CIB4: variants seen among roughly 807,000 people sequenced by gnomAD.
CIB4 encodes calcium and integrin binding family member 4.
A neutral mutation model predicts 25.8 loss-of-function variants in CIB4; 25 were observed. The ratio of observed to expected loss-of-function variants is 0.97; its 90% CI spans 0.71 to 1.35. CIB4 has a LOEUF of 1.35. Among genes scored for constraint, CIB4 ranks in the 40% most tolerant of loss-of-function variants. The probability of loss-of-function intolerance (pLI) is 0.00; values close to 1 mark genes in which losing one functional copy is unlikely to be tolerated. For synonymous variants in CIB4, 75 were observed against 81.4 expected (o/e 0.92, Z 0.42); for missense variants, 235 against 228.2 (o/e 1.03, Z -0.19).
chr2:26,583,826 T>G lies in CIB4; in HGVS notation c.401A>C (p.Asp134Ala). The G allele has an allele frequency of 6.2e-7, 1 of 1,612,932 alleles. No individual in the cohort carries two copies. The highest frequency in any genetic ancestry group is 8.5e-7 in the Non-Finnish European group (1 of 1,179,438). The change falls in exon 5 of 7, where the codon GAC (aspartate) becomes GCC (alanine). Residue 134 changes from aspartate to alanine, a missense_variant. Asp to Ala is a moderately radical substitution (Grantham distance 126). Transcript: ENST00000288861. ...RIILRLLNSD[D>A]MSEDLLMDLT... ...GTCCATCAGGAGGTCCTCAGACATG[T>G]CATCACTGTTCAGCAGTCGCAGGAT...
At chr2:26,599,385 A>G (rs1239314688) in intron 3 of CIB4, among the ~76,000 whole-genome samples, 1 of 152,236 alleles carries the variant, frequency 6.6e-6, no homozygotes, top group South Asian at 2.1e-4. Context: ...CAAAAAAACT[A>G]AAAGTTTTCT....
intron 4 of CIB4, among the ~76,000 whole-genome samples, chr2:26,593,431 C>T (rs537479759): frequency 6.6e-6 from 1 of 151,778 alleles, no homozygotes; most frequent in South Asian, 2.1e-4. Context: ...CATATATATA[C>T]ACACTATATA....
intron 4 of CIB4, 23 bp downstream of exon 4, chr2:26,595,153 C>T (rs1148963): frequency 0.83 from 1,316,252 of 1,593,850 alleles, 553,587 homozygotes; most frequent in East Asian, 0.98. Context: ...ACCCCTCACC[C>T]CTCAGTCCCC....
At chr2:26,619,603 A>G (rs1231042286) in intron 3 of CIB4, among the ~76,000 whole-genome samples, 1 of 152,200 alleles carries the variant, frequency 6.6e-6, no homozygotes, top group Non-Finnish European at 1.5e-5. Flanking sequence ...ATGACCCACA[A>G]AAACATAGAG....
chr2:26,604,420 A>G (rs552098339), intron 3 of CIB4, among the ~76,000 whole-genome samples: 2 of 152,264 alleles, frequency 1.3e-5, no homozygotes, highest in African/African-American at 4.8e-5. Context: ...CTTTCTCCAG[A>G]GGCAGGAAAC....
chr2:26,635,538 T>C (rs925366159), intron 2 of CIB4, among the ~76,000 whole-genome samples: 4 of 152,240 alleles, frequency 2.6e-5, no homozygotes, highest in Non-Finnish European at 4.4e-5. Flanking sequence ...CAAGGCATTG[T>C]CAGAGGCCAC....
chr2:26,616,267 G>T (rs906496644), intron 3 of CIB4, among the ~76,000 whole-genome samples: 1 of 152,222 alleles, frequency 6.6e-6, no homozygotes, highest in Non-Finnish European at 1.5e-5. Flanking sequence ...TCAGCCGAAT[G>T]CAGCATGGTG....
chr2:26,595,935 T>C lies in CIB4; in HGVS notation c.187-618A>G, dbSNP rs184608115. On this transcript the variant is annotated intron_variant, in intron 3 of 6. Coordinates refer to ENST00000288861, the MANE Select transcript of CIB4 (RefSeq NM_001029881.3). ...CACACACACACACACACACAAACCA[T>C]GTCTTATAGAGACTGAAAACAGGAC... Among the ~76,000 whole-genome samples, 191 of 151,106 alleles carry C rather than the reference T, an allele frequency of 1.3e-3. 1 individual carries two copies. Among genetic ancestry groups the C allele is most frequent in the African/African-American group, 4.5e-3 (184 of 40,496 alleles).
At chr2:26,617,765 C>A (rs1340374320) in intron 3 of CIB4, among the ~76,000 whole-genome samples, 1 of 152,216 alleles carries the variant, frequency 6.6e-6, no homozygotes, top group African/African-American at 2.4e-5. Flanking sequence ...TGCTTTCCTC[C>A]TGCTCAATCC....
chr2:26,595,031 A>C, intron 4 of CIB4, 145 bp downstream of exon 4: 2 of 701,540 alleles, frequency 2.9e-6, no homozygotes, highest in Non-Finnish European at 4.7e-6. Context: ...ATTCCATGGT[A>C]CATGCAAAAT....
At chr2:26,625,900 T>G (rs1335902654) in intron 3 of CIB4, among the ~76,000 whole-genome samples, 1 of 152,252 alleles carries the variant, frequency 6.6e-6, no homozygotes, top group Non-Finnish European at 1.5e-5. Flanking sequence ...CTATCTTGAG[T>G]TAATTTTTGT....
intron 1 of CIB4, 137 bp from the exon 2 acceptor site, chr2:26,640,704 T>C: frequency 1.1e-6 from 1 of 870,844 alleles, no homozygotes; most frequent in Non-Finnish European, 1.8e-6. Flanking sequence ...CAGGTTGAGG[T>C]GGATGCCTGA....
intron 2 of CIB4, among the ~76,000 whole-genome samples, chr2:26,630,580 G>C (rs1558574020): frequency 6.6e-6 from 1 of 152,126 alleles, no homozygotes; most frequent in South Asian, 2.1e-4. Flanking sequence ...GTCACCACAG[G>C]CTGGTTGAAA....
chr2:26,616,290 G>A (rs2148214181), intron 3 of CIB4, among the ~76,000 whole-genome samples: 1 of 152,356 alleles, frequency 6.6e-6, no homozygotes, highest in South Asian at 2.1e-4. Context: ...CGTGCCTGCA[G>A]CCCTGGGTGA....
intron 4 of CIB4, among the ~76,000 whole-genome samples, chr2:26,589,848 T>A (rs1238223826): frequency 6.6e-6 from 1 of 152,200 alleles, no homozygotes; most frequent in African/African-American, 2.4e-5. Flanking sequence ...TGGACTTAGC[T>A]GCACTTTGGA....
intron 6 of CIB4, 83 bp from the exon 7 acceptor site, chr2:26,581,476 G>A: frequency 2.9e-6 from 4 of 1,380,528 alleles, no homozygotes; most frequent in African/African-American, 1.4e-5. Context: ...AGTCCTGGAG[G>A]CTCCCTCCCC....
intron 3 of CIB4, among the ~76,000 whole-genome samples, chr2:26,595,569 G>A (rs1350720817): frequency 1.3e-5 from 2 of 152,334 alleles, no homozygotes; most frequent in Middle Eastern, 3.4e-3. Context: ...GAAGATAATG[G>A]TTATAATGCA....
chr2:26,639,196 T>C (rs1669589348), intron 2 of CIB4, among the ~76,000 whole-genome samples: 1 of 143,184 alleles, frequency 7.0e-6, no homozygotes, highest in African/African-American at 2.8e-5. Context: ...TGAATTTTCT[T>C]TTTTTTTTTT....
chr2:26,621,215 G>A (rs541677156), intron 3 of CIB4, among the ~76,000 whole-genome samples: 1 of 126,512 alleles, frequency 7.9e-6, no homozygotes, highest in Non-Finnish European at 1.6e-5. Flanking sequence ...GAATATCAGA[G>A]TAGTAAAATA....
Sources: allele counts gnomAD v4.1 joint callset (sites outside exome capture counted in the v4.1 genomes callset), GRCh38; gene constraint gnomAD v4.1.1; transcripts MANE v1.5; gene names NCBI Gene and HGNC (gene_info 2026-07-23, HGNC 2026-07-21).